Variants in TCF7L2 observed in about 807,000 individuals in gnomAD.
TCF7L2 encodes transcription factor 7 like 2.
Under a neutral mutation model 77.9 loss-of-function variants are expected in TCF7L2, and 23 were observed. The ratio of observed to expected loss-of-function variants is 0.30; its 90% confidence interval spans 0.21 to 0.42. TCF7L2 has a LOEUF of 0.42. TCF7L2 is among the 10% of genes least tolerant of loss of function. The pLI is 1.00. For missense variants in TCF7L2, 654 were observed against 793.1 expected (o/e 0.82, Z 2.11); for synonymous variants, 413 against 340.2 (o/e 1.21, Z -2.36).
In TCF7L2 at chr10:113,040,030, C is replaced by T. The variant is rs771186189; in HGVS notation, c.456C>T (p.Leu152=). 3.7e-6 allele frequency: 6 copies of T among 1,613,340 alleles called. No homozygotes were observed. Among genetic ancestry groups the T allele is most frequent in the Non-Finnish European group, 5.1e-6 (6 of 1,179,700 alleles). ...CTTTTGTTTCCTCTCGCCAGTATCT[C>T]CAGATGAAATGGCCACTGCTTGATG... The change falls in exon 5 of 14, where the codon CTC becomes CTT. Residue 152 remains leucine (L), a synonymous_variant. Transcript: ENST00000627217.
intron 3 of TCF7L2, among the ~76,000 whole-genome samples, chr10:112,960,084 C>A (rs2134438017): frequency 6.6e-6 from 1 of 151,918 alleles, no homozygotes; most frequent in South Asian, 2.1e-4. Context: ...GAATAGGCAT[C>A]AAAAATTAAT....
chr10:113,002,321 G>T (rs898066644), intron 4 of TCF7L2, among the ~76,000 whole-genome samples: 1 of 152,118 alleles, frequency 6.6e-6, no homozygotes. Flanking sequence ...TGTTTAGGTC[G>T]GCGGTTTTCA....
At chr10:112,961,262 C>CG (rs1377028756) in intron 3 of TCF7L2, among the ~76,000 whole-genome samples, 1 of 130,778 alleles carries the variant, frequency 7.6e-6, no homozygotes, top group Non-Finnish European at 1.6e-5. Flanking sequence ...TGACCCCCCC[C>CG]CCCCCAACCT....
chr10:112,959,214 T>C (rs1321775042), intron 3 of TCF7L2, among the ~76,000 whole-genome samples: 1 of 152,112 alleles, frequency 6.6e-6, no homozygotes, highest in Admixed American at 6.5e-5. Flanking sequence ...GGAGAAACGA[T>C]GAACATAGCA....
At chr10:113,129,030 T>C (rs948777526) in intron 5 of TCF7L2, among the ~76,000 whole-genome samples, 2 of 152,278 alleles carry the variant, frequency 1.3e-5, no homozygotes, top group African/African-American at 4.8e-5. Flanking sequence ...ATTCTGACTA[T>C]TGGAATACTA....
intron 5 of TCF7L2, among the ~76,000 whole-genome samples, chr10:113,043,119 T>G (rs1715369661): frequency 6.6e-6 from 1 of 152,272 alleles, no homozygotes; most frequent in African/African-American, 2.4e-5. Context: ...TATTTCATAA[T>G]TATTTCTAAT....
At chr10:113,097,321 C>G (rs115807052) in intron 5 of TCF7L2, among the ~76,000 whole-genome samples, 305 of 152,306 alleles carry the variant, frequency 2.0e-3, no homozygotes, top group African/African-American at 7.1e-3. Flanking sequence ...ACAACTCTCT[C>G]TCAGGACAAA....
At chr10:112,978,301 T>G (rs116911684) in intron 4 of TCF7L2, among the ~76,000 whole-genome samples, 291 of 152,290 alleles carry the variant, frequency 1.9e-3, no homozygotes, top group Middle Eastern at 6.8e-3. Context: ...ACATAGTGGG[T>G]GCTGAATGTA....
intron 5 of TCF7L2, among the ~76,000 whole-genome samples, chr10:113,087,361 G>A (rs2059939737): frequency 6.6e-6 from 1 of 152,214 alleles, no homozygotes; most frequent in Admixed American, 6.5e-5. Context: ...TCAGCATTGT[G>A]TTAGAAAATA....
At chr10:113,092,257 G>A (rs2060478671) in intron 5 of TCF7L2, among the ~76,000 whole-genome samples, 1 of 152,192 alleles carries the variant, frequency 6.6e-6, no homozygotes, top group Admixed American at 6.5e-5. Flanking sequence ...ACGTTTCCAG[G>A]ATGTCATCTA....
In TCF7L2 at chr10:113,006,296, T is replaced by C. The variant is rs543529832; in HGVS notation, c.451-33729T>C. 1.4e-4 allele frequency among the ~76,000 whole-genome samples: 21 copies of C among 152,344 alleles called. No individual in the cohort carries two copies. In the East Asian group the frequency reaches 2.5e-3, roughly 18 times the overall value. ...GCTTGTTTGTTTTCTTAGTTGAATC[T>C]TACTTTTTGTATTTCCAGCCCATTC... is the stretch of plus-strand genomic sequence containing the variant. On this transcript the variant is annotated intron_variant, in intron 4 of 13. Coordinates refer to ENST00000627217, the MANE Select transcript of TCF7L2 (RefSeq NM_001146274.2).
chr10:113,064,319 G>A (rs954307099), intron 5 of TCF7L2, among the ~76,000 whole-genome samples: 1 of 152,244 alleles, frequency 6.6e-6, no homozygotes, highest in Non-Finnish European at 1.5e-5. Context: ...GTGCTCTGCA[G>A]AAGGTTGGTG....
intron 2 of TCF7L2, 45 bp downstream of exon 2, chr10:112,951,318 C>T (rs988910952): frequency 3.0e-6 from 3 of 1,010,658 alleles, no homozygotes; most frequent in East Asian, 1.0e-4. Context: ...AGCCGCCCCC[C>T]GGGCCGGCCG....
chr10:112,951,331 C>T (rs945657757), intron 2 of TCF7L2, 58 bp downstream of exon 2: 2 of 991,872 alleles, frequency 2.0e-6, no homozygotes, highest in African/African-American at 3.5e-5. Context: ...GCCGGCCGCC[C>T]CGCGCGCCCC....
chr10:113,032,719 A>G (rs2134105058), intron 4 of TCF7L2, among the ~76,000 whole-genome samples: 1 of 152,280 alleles, frequency 6.6e-6, no homozygotes, highest in South Asian at 2.1e-4. Context: ...CGCTCCTGTC[A>G]CCTCAGTCAA....
At chr10:113,162,883 G>A (rs780788292) in intron 13 of TCF7L2, among the ~76,000 whole-genome samples, 12 of 152,150 alleles carry the variant, frequency 7.9e-5, no homozygotes, top group Non-Finnish European at 1.6e-4. Context: ...CCTCTGAATC[G>A]AGATGAAGCC....
intron 3 of TCF7L2, among the ~76,000 whole-genome samples, chr10:112,961,891 G>GTA (rs1053736306): frequency 2.0e-5 from 3 of 146,500 alleles, no homozygotes; most frequent in Non-Finnish European, 3.0e-5. Flanking sequence ...GCGTGTGCGT[G>GTA]TATGTGTGTG....
At chr10:112,975,513 A>G (rs2039244280) in intron 4 of TCF7L2, among the ~76,000 whole-genome samples, 1 of 151,924 alleles carries the variant, frequency 6.6e-6, no homozygotes, top group Non-Finnish European at 1.5e-5. Context: ...CAAGAGTCTC[A>G]CTCTATTGCT....
At chr10:112,957,344 A>G (rs1386209559) in intron 3 of TCF7L2, among the ~76,000 whole-genome samples, 1 of 151,874 alleles carries the variant, frequency 6.6e-6, no homozygotes, top group African/African-American at 2.4e-5. Context: ...TACATAGTAC[A>G]CTAGTTAAAC....
Sources: allele counts gnomAD v4.1 joint callset (sites outside exome capture counted in the v4.1 genomes callset), GRCh38; gene constraint gnomAD v4.1.1; transcripts MANE v1.5; gene names NCBI Gene and HGNC (gene_info 2026-07-23, HGNC 2026-07-21).